Variants in ARB2A observed in about 807,000 individuals in gnomAD.
ARB2A encodes the protein ARB2 cotranscriptional regulator A.
the ARB2A span, among the ~76,000 whole-genome samples, chr5:93,750,818 C>T: frequency 6.6e-6 from 1 of 152,144 alleles, no homozygotes; most frequent in Non-Finnish European, 1.5e-5. Context: ...AGCCATCATA[C>T]ACAGCCAACA....
the ARB2A span, among the ~76,000 whole-genome samples, chr5:93,891,818 G>A: frequency 6.6e-6 from 1 of 152,110 alleles, no homozygotes; most frequent in African/African-American, 2.4e-5. Context: ...TTTGGTTGAG[G>A]CTGAAGAAGT....
At chr5:94,031,732 A>G in the ARB2A span, among the ~76,000 whole-genome samples, 1 of 152,332 alleles carries the variant, frequency 6.6e-6, no homozygotes, top group South Asian at 2.1e-4. Flanking sequence ...GAGATCTTCT[A>G]GGCCACCCTT....
the ARB2A span, among the ~76,000 whole-genome samples, chr5:93,970,720 GATA>G: frequency 3.0e-4 from 45 of 152,250 alleles, no homozygotes; most frequent in Middle Eastern, 3.4e-3. Flanking sequence ...ACACTTAAGT[GATA>G]ATAACACTCT....
At chr5:93,852,888 T>C in the ARB2A span, among the ~76,000 whole-genome samples, 4 of 152,234 alleles carry the variant, frequency 2.6e-5, no homozygotes, top group Non-Finnish European at 5.9e-5. Context: ...TCAGGTAGCG[T>C]GATGCCTCCC....
At chr5:93,778,707 G>A in the ARB2A span, among the ~76,000 whole-genome samples, 20 of 151,956 alleles carry the variant, frequency 1.3e-4, no homozygotes, top group Admixed American at 1.0e-3. Flanking sequence ...GTGATATGTC[G>A]GTCTTCCTAC....
chr5:94,058,788 T>C, the ARB2A span, among the ~76,000 whole-genome samples: 3 of 152,176 alleles, frequency 2.0e-5, no homozygotes, highest in Non-Finnish European at 4.4e-5. Flanking sequence ...GTTTGGATGT[T>C]TGTCCCCTCC....
chr5:93,667,549 G>A, the ARB2A span, among the ~76,000 whole-genome samples: 1 of 152,114 alleles, frequency 6.6e-6, no homozygotes, highest in Non-Finnish European at 1.5e-5. Context: ...TCAAACTCCT[G>A]GGTGCAAGTG....
chr5:93,727,993 G>A, the ARB2A span, among the ~76,000 whole-genome samples: 1 of 152,022 alleles, frequency 6.6e-6, no homozygotes, highest in South Asian at 2.1e-4. Context: ...ATTTTAGAAA[G>A]TTTTATAAGG....
the ARB2A span, chr5:94,074,752 C>G: frequency 6.2e-7 from 1 of 1,607,878 alleles, no homozygotes; most frequent in Non-Finnish European, 8.5e-7. Context: ...AAATAGACAT[C>G]AATCTTCAGA....
the ARB2A span, chr5:93,735,332 A>C: frequency 6.6e-6 from 1 of 152,190 alleles, no homozygotes; most frequent in Non-Finnish European, 1.5e-5. Context: ...TGTGAAGCTG[A>C]TTAGTGACAC....
chr5:93,784,439 C>A, the ARB2A span: 1 of 1,613,526 alleles, frequency 6.2e-7, no homozygotes, highest in Non-Finnish European at 8.5e-7. Context: ...ACATTGTGAA[C>A]AGAGTCTGTC....
At chr5:93,669,664 G>A in the ARB2A span, among the ~76,000 whole-genome samples, 2 of 152,166 alleles carry the variant, frequency 1.3e-5, no homozygotes, top group African/African-American at 2.4e-5. Context: ...GTATGCAGAA[G>A]GCAAACTCCT....
chr5:93,663,034 G>A, the ARB2A span, among the ~76,000 whole-genome samples: 1 of 151,972 alleles, frequency 6.6e-6, no homozygotes, highest in Admixed American at 6.6e-5. Flanking sequence ...TTTATAAAGG[G>A]AACCTAATTG....
chr5:93,655,544 T>G, the ARB2A span, among the ~76,000 whole-genome samples: 1 of 152,176 alleles, frequency 6.6e-6, no homozygotes, highest in African/African-American at 2.4e-5. Flanking sequence ...GCCCAGCATC[T>G]CATTCCCCTT....
chr5:93,818,953 C>T, the ARB2A span, among the ~76,000 whole-genome samples: 15 of 151,780 alleles, frequency 9.9e-5, no homozygotes, highest in Non-Finnish European at 2.1e-4. Context: ...TTTGGGAGGC[C>T]GAGACGGGCG....
At chr5:93,947,204 C>T in the ARB2A span, among the ~76,000 whole-genome samples, 6 of 152,090 alleles carry the variant, frequency 3.9e-5, no homozygotes, top group Non-Finnish European at 7.4e-5. Context: ...GGCAGTATTA[C>T]GCTTGCTTCT....
chr5:93,924,975 C>T, the ARB2A span, among the ~76,000 whole-genome samples: 4 of 152,108 alleles, frequency 2.6e-5, no homozygotes, highest in South Asian at 2.1e-4. Context: ...AATGTAAAAT[C>T]GCTCTGAATG....
the ARB2A span, among the ~76,000 whole-genome samples, chr5:93,867,800 A>C: frequency 9.2e-5 from 14 of 152,092 alleles, no homozygotes; most frequent in Non-Finnish European, 5.9e-5. Context: ...TTGTTTTCAT[A>C]TGTTCCCTAA....
the ARB2A span, among the ~76,000 whole-genome samples, chr5:93,985,153 CCT>C: frequency 2.1e-4 from 32 of 152,110 alleles, no homozygotes; most frequent in African/African-American, 7.2e-4. Flanking sequence ...CTTATTATCC[CCT>C]CTTTCTTATA....
Sources: gnomAD v4.1 joint callset for allele counts (sites outside exome capture counted in the v4.1 genomes callset) on GRCh38, gnomAD v4.1.1 for gene constraint, MANE v1.5 for transcripts, NCBI Gene and HGNC (gene_info 2026-07-23, HGNC 2026-07-21) for gene names.